CASP8: variants seen among roughly 807,000 people sequenced by gnomAD.
CASP8 encodes caspase 8.
Under a neutral mutation model 46.3 loss-of-function variants are expected in CASP8, and 24 were observed. The ratio of observed to expected loss-of-function variants is 0.52; its 90% CI spans 0.38 to 0.73. The LOEUF (loss-of-function observed/expected upper bound fraction) is 0.73, where lower values mean the gene tolerates loss of function less well. Ranked by LOEUF, CASP8 falls within the 30% of genes least tolerant of loss-of-function variation. CASP8 has a pLI of 0.00. For synonymous variants in CASP8, 188 were observed against 200.4 expected (o/e 0.94, Z 0.52); for missense variants, 460 against 559.0 (o/e 0.82, Z 1.79).
intron 7 of CASP8, among the ~76,000 whole-genome samples, chr2:201,279,603 A>G (rs369785682): frequency 2.2e-4 from 34 of 152,326 alleles, no homozygotes; most frequent in African/African-American, 7.5e-4. Flanking sequence ...TTAATGGACT[A>G]ATTAGTCAAT....
chr2:201,245,989 T>C (rs1167612381), intron 2 of CASP8, among the ~76,000 whole-genome samples: 2 of 148,768 alleles, frequency 1.3e-5, no homozygotes, highest in Admixed American at 6.7e-5. Flanking sequence ...TGCCTCAGCC[T>C]CCCAAGTAGC....
chr2:201,263,105 CTTA>C (rs1190343464), intron 1 of CASP8, among the ~76,000 whole-genome samples: 1 of 152,166 alleles, frequency 6.6e-6, no homozygotes, highest in Admixed American at 6.6e-5. Flanking sequence ...ATGCGCCAAT[CTTA>C]TTATATCCAA....
intron 2 of CASP8, among the ~76,000 whole-genome samples, chr2:201,246,299 C>T (rs1224569521): frequency 6.6e-6 from 1 of 152,144 alleles, no homozygotes; most frequent in African/African-American, 2.4e-5. Context: ...GGGTCCCCCG[C>T]CAGTCTGCCT....
chr2:201,281,077 G>A (rs951712938), intron 7 of CASP8, among the ~76,000 whole-genome samples: 1 of 152,164 alleles, frequency 6.6e-6, no homozygotes, highest in Non-Finnish European at 1.5e-5. Flanking sequence ...ACTTTGGGAG[G>A]CCAAGGTGGG....
intron 2 of CASP8, among the ~76,000 whole-genome samples, chr2:201,253,908 C>T (rs1946899351): frequency 6.6e-6 from 1 of 152,026 alleles, no homozygotes; most frequent in African/African-American, 2.4e-5. Flanking sequence ...ATGGAGAAAA[C>T]CCGTCTCTAC....
At chr2:201,252,148 T>C (rs1445051908) in intron 2 of CASP8, among the ~76,000 whole-genome samples, 1 of 152,176 alleles carries the variant, frequency 6.6e-6, no homozygotes, top group African/African-American at 2.4e-5. Flanking sequence ...TTATTTGCCA[T>C]CTGTATATGT....
intron 7 of CASP8, among the ~76,000 whole-genome samples, chr2:201,280,765 T>C (rs1303105461): frequency 6.6e-6 from 1 of 152,200 alleles, no homozygotes; most frequent in African/African-American, 2.4e-5. Context: ...CAGTTGGTAT[T>C]ACAGCAGAAG....
chr2:201,252,071 G>A (rs1946812062), intron 2 of CASP8, among the ~76,000 whole-genome samples: 1 of 152,140 alleles, frequency 6.6e-6, no homozygotes, highest in South Asian at 2.1e-4. Flanking sequence ...ATATGTAGTG[G>A]TATCTCACTG....
intron 2 of CASP8, among the ~76,000 whole-genome samples, chr2:201,267,109 T>C (rs1947877283): frequency 6.6e-6 from 1 of 152,182 alleles, no homozygotes; most frequent in African/African-American, 2.4e-5. Context: ...TATATAATTC[T>C]ATAGAAATGC....
Position 201,286,692 on chromosome 2 carries a change from C to T in CASP8, c.*98C>T, listed in dbSNP as rs36155452. On this transcript the variant is annotated 3_prime_UTR_variant, in exon 9 of 9. Coordinates refer to ENST00000673742, the MANE Select transcript of CASP8 (RefSeq NM_001372051.1). ...GTGCAGTGGCGTGATCTCGGCTCAC[C>T]GCAAGCTCCGCCTCCCGGGTTCAGG... 181 of 1,033,112 alleles carry T rather than the reference C, an allele frequency of 1.8e-4. 1 individual carries two copies. The highest frequency in any genetic ancestry group is 7.7e-4 in the Admixed American group (38 of 49,636). The allele number at this position is 1,033,112 out of a possible 1,614,324, so 64.0% of individuals were successfully genotyped here. A position where few individuals can be genotyped will look rare whatever the true frequency, so the allele number is the denominator to read the frequency against.
chr2:201,274,365 G>A (rs1312419358), intron 5 of CASP8, among the ~76,000 whole-genome samples: 1 of 152,156 alleles, frequency 6.6e-6, no homozygotes, highest in Non-Finnish European at 1.5e-5. Context: ...TCTCTTTGGC[G>A]AGGAGACAAC....
At chr2:201,258,313 G>C, upstream of CASP8, 1 of 1,614,086 alleles carries the variant, frequency 6.2e-7, no homozygotes, top group Non-Finnish European at 8.5e-7. Flanking sequence ...CCCCTTCCCT[G>C]CTGAGCACGT....
At chr2:201,246,568 C>T (rs1946530716) in intron 2 of CASP8, among the ~76,000 whole-genome samples, 1 of 152,210 alleles carries the variant, frequency 6.6e-6, no homozygotes, top group African/African-American at 2.4e-5. Flanking sequence ...TCTAATTTCT[C>T]ACATTTGGAA....
chr2:201,269,443 C>T, intron 2 of CASP8: 1 of 1,093,804 alleles, frequency 9.1e-7, no homozygotes, highest in Non-Finnish European at 1.4e-6. Context: ...CCTAAAAACC[C>T]ACAGCCCCAG....
intron 7 of CASP8, among the ~76,000 whole-genome samples, chr2:201,283,162 G>A (rs1449727726): frequency 4.3e-5 from 3 of 70,184 alleles, no homozygotes; most frequent in African/African-American, 1.4e-4. Context: ...TTCCCAGTAG[G>A]GGCGGCCGGG....
intron 7 of CASP8, chr2:201,277,177 T>C (rs1361869659): frequency 2.4e-6 from 1 of 409,834 alleles, no homozygotes; most frequent in Non-Finnish European, 4.4e-6. Context: ...AAAAGTAATG[T>C]ATGTATAAAT....
At position 201,274,757 on chromosome 2, in the gene CASP8, G is replaced by A. The variant is rs989302682; in HGVS notation, c.596-132G>A. 2.5e-5 allele frequency: 19 copies of A among 749,782 alleles called. No individual in the cohort carries two copies. In the Admixed American group the frequency reaches 2.9e-4, roughly 11 times the overall value. The allele number at this position is 749,782 out of a possible 1,614,324, so 46.4% of individuals were successfully genotyped here. ...CTCCCAAAGTGCTGGGATTACCGGC[G>A]TGAGCCCCTGTTCCCAGCTTGAATT... is the stretch of plus-strand genomic sequence containing the variant. On this transcript the variant is annotated intron_variant, in intron 5 of 8. Coordinates refer to ENST00000673742, the MANE Select transcript of CASP8 (RefSeq NM_001372051.1).
At chr2:201,246,328 G>GT (rs1559332089) in intron 2 of CASP8, among the ~76,000 whole-genome samples, 1 of 152,104 alleles carries the variant, frequency 6.6e-6, no homozygotes, top group African/African-American at 2.4e-5. Context: ...CACCTCTCAG[G>GT]GTTGTGTGAT....
At position 201,272,912 on chromosome 2, in the gene CASP8, C is replaced by T; in HGVS notation, c.565C>T (p.Leu189Phe). The change falls in exon 5 of 9, where the codon CTT (leucine) becomes TTT (phenylalanine). Residue 189 changes from leucine (L) to phenylalanine (F), a missense_variant. Coordinates refer to ENST00000673742, the MANE Select transcript of CASP8 (RefSeq NM_001372051.1). The surrounding 1 kb of genome is among the most constrained non-coding windows in gnomAD (Gnocchi z 4.4). Reference sequence around the variant, plus strand: ...TTTTAATTCAGAGAGAAGCAGCAGCCTTGAAGGAAGTCCTGATGAATTTTC... The same window carrying T: ...TTTTAATTCAGAGAGAAGCAGCAGCTTTGAAGGAAGTCCTGATGAATTTTC... ...EEFSKERSSS[L>F]EGSPDEFSNG... 1 of 1,614,112 alleles carries T rather than the reference C, an allele frequency of 6.2e-7. No homozygotes were observed.
Sources: allele counts gnomAD v4.1 joint callset (sites outside exome capture counted in the v4.1 genomes callset), GRCh38; gene constraint gnomAD v4.1.1; non-coding constraint Gnocchi (gnomAD v3.1); transcripts MANE v1.5; gene names NCBI Gene and HGNC (gene_info 2026-07-23, HGNC 2026-07-21).